KDM4B: variants seen among roughly 807,000 people sequenced by gnomAD.
KDM4B encodes lysine-specific demethylase 4B.
A neutral mutation model predicts 125.2 loss-of-function variants in KDM4B; 32 were observed. The observed-to-expected ratio is 0.26, with a 90% CI of 0.19 to 0.34. The LOEUF is 0.34. Among genes scored for constraint, KDM4B ranks in the 10% least tolerant of loss-of-function variants. The probability of loss-of-function intolerance (pLI) is 1.00; values close to 1 mark genes in which losing one functional copy is unlikely to be tolerated. For synonymous variants in KDM4B, 721 were observed against 677.9 expected (o/e 1.06, Z -0.99); for missense variants, 1,190 against 1,577.7 (o/e 0.75, Z 4.16).
At chr19:5,148,817 G>A (rs972500776) in intron 21 of KDM4B, among the ~76,000 whole-genome samples, 4 of 152,186 alleles carry the variant, frequency 2.6e-5, no homozygotes, top group South Asian at 4.1e-4. Context: ...TCTCCTCACC[G>A]GACAGACGCT....
chr19:5,043,742 TGGG>T (rs879801289), intron 5 of KDM4B, among the ~76,000 whole-genome samples: 2 of 136,906 alleles, frequency 1.5e-5, no homozygotes, highest in Non-Finnish European at 3.1e-5. Context: ...TTTATCGGAG[TGGG>T]GGTGTCCACT....
chr19:4,984,361 G>C (rs1270521296), intron 1 of KDM4B, among the ~76,000 whole-genome samples: 1 of 152,210 alleles, frequency 6.6e-6, no homozygotes, highest in African/African-American at 2.4e-5. Flanking sequence ...CTTCGTGTTT[G>C]TGCTGGAAAG....
chr19:5,066,061 A>T (rs1680127776), intron 6 of KDM4B, among the ~76,000 whole-genome samples: 1 of 152,046 alleles, frequency 6.6e-6, no homozygotes. Context: ...CCGTGTGACC[A>T]GTGTCTCTGG....
chr19:5,051,527 TC>T (rs1264138090), intron 6 of KDM4B, among the ~76,000 whole-genome samples: 1 of 152,210 alleles, frequency 6.6e-6, no homozygotes, highest in East Asian at 1.9e-4. Context: ...CTGCAGGGAC[TC>T]CCGAGGACGT....
chr19:5,087,463 C>T (rs1463563055), intron 9 of KDM4B, among the ~76,000 whole-genome samples: 1 of 152,240 alleles, frequency 6.6e-6, no homozygotes, highest in Non-Finnish European at 1.5e-5. Flanking sequence ...GTGACAACCA[C>T]AGAGGTCCCC....
At position 5,002,398 on chromosome 19, in the gene KDM4B, T is replaced by TTCTCTC. The variant is rs1568218478; in HGVS notation, c.-108-13857_-108-13856insTCTCTC. 7.2e-3 allele frequency among the ~76,000 whole-genome samples: 1,088 copies of TTCTCTC among 151,262 alleles called. 11 individuals are homozygous for TTCTCTC. Among genetic ancestry groups the TTCTCTC allele is most frequent in the African/African-American group, 0.024 (1,001 of 41,054 alleles). On this transcript the variant is annotated intron_variant, in intron 1 of 22. Transcript: ENST00000159111. The stretch of plus-strand genomic sequence containing the variant: ...TGTTTTTTTTTCTTTCTCCTTTCCT[T>TTCTCTC]TCCTTTCTCTCTCCTTTCTCTCTCC...
intron 1 of KDM4B, among the ~76,000 whole-genome samples, chr19:5,008,847 C>T (rs185945471): frequency 2.0e-5 from 3 of 151,016 alleles, no homozygotes; most frequent in East Asian, 1.9e-4. Flanking sequence ...GTGATCTGCC[C>T]GCCTTGGCCT....
intron 9 of KDM4B, among the ~76,000 whole-genome samples, chr19:5,086,014 C>G (rs1322985690): frequency 6.6e-6 from 1 of 152,176 alleles, no homozygotes; most frequent in Non-Finnish European, 1.5e-5. Flanking sequence ...CCAGAACCCC[C>G]CTTTTCTGGT....
Position 5,151,435 on chromosome 19 carries a change from C to A in KDM4B, c.3215C>A (p.Ser1072Tyr), listed in dbSNP as rs866518909. ...GGCACCCCGCTTGCCACGGAGGACT[C>A]CGGGCGGAGCCAGGACTACGTGGCC... Reference protein sequence around the residue: ...RVGTPLATEDSGRSQDYVAFV... With the variant: ...RVGTPLATEDYGRSQDYVAFV... The change falls in exon 23 of 23, where the codon TCC becomes TAC. Residue 1072 changes from serine to tyrosine, a missense_variant. This residue lies in a region of KDM4B where 109 missense variants were observed against 93.8 expected (regional missense o/e 1.16). Coordinates refer to ENST00000159111, the MANE Select transcript of KDM4B (RefSeq NM_015015.3). The A allele has an allele frequency of 1.3e-6, 2 of 1,559,558 alleles. No individual in the cohort carries two copies. The highest frequency in any genetic ancestry group is 1.4e-5 in the African/African-American group (1 of 72,940).
intron 6 of KDM4B, among the ~76,000 whole-genome samples, chr19:5,060,178 G>A (rs1240270139): frequency 1.3e-5 from 2 of 152,110 alleles, no homozygotes; most frequent in African/African-American, 2.4e-5. Flanking sequence ...GGTGGCTCAC[G>A]CCTGTAATCC....
At chr19:4,985,682 G>A (rs1285034012) in intron 1 of KDM4B, among the ~76,000 whole-genome samples, 2 of 152,238 alleles carry the variant, frequency 1.3e-5, no homozygotes, top group African/African-American at 2.4e-5. Context: ...TTTGGGGGCC[G>A]AATGTGCAGT....
chr19:5,132,515 C>T (rs2039576595), intron 13 of KDM4B, among the ~76,000 whole-genome samples: 1 of 151,910 alleles, frequency 6.6e-6, no homozygotes, highest in South Asian at 2.1e-4. Flanking sequence ...TGGATGGCGT[C>T]TTTCATCCTG....
chr19:5,029,265 A>G (rs555651386), intron 2 of KDM4B, among the ~76,000 whole-genome samples: 3 of 152,238 alleles, frequency 2.0e-5, no homozygotes, highest in African/African-American at 7.2e-5. Flanking sequence ...TGAGAGCCCC[A>G]TTCCTTGGCG....
chr19:5,144,195 G>A (rs774855411), intron 19 of KDM4B, 43 bp downstream of exon 19: 16 of 1,021,868 alleles, frequency 1.6e-5, no homozygotes, highest in East Asian at 5.9e-5. Flanking sequence ...CCTGGCTCCC[G>A]CCCCCACCGA....
Position 5,131,328 on chromosome 19 carries a change from G to T in KDM4B, c.1568G>T (p.Arg523Leu). ...AGTGAGGAGCTAGAGGCCAAGCCTC[G>T]GCCCATCATCCCCATGCTGTACGTG... ...VPSEELEAKPRPIIPMLYVVP... is the reference protein window; with the variant it reads ...VPSEELEAKPLPIIPMLYVVP... Residue 523 changes from arginine to leucine, a missense_variant, in exon 12 of 23, where the codon CGG becomes CTG. Arg to Leu is a moderately radical substitution (Grantham distance 102). Coordinates refer to ENST00000159111, the MANE Select transcript of KDM4B (RefSeq NM_015015.3). 1 of 1,612,114 alleles carries T rather than the reference G, an allele frequency of 6.2e-7. No homozygotes were observed. Among genetic ancestry groups the T allele is most frequent in the Non-Finnish European group, 8.5e-7 (1 of 1,179,796 alleles).
At chr19:5,097,378 G>C (rs1312211606) in intron 9 of KDM4B, among the ~76,000 whole-genome samples, 1 of 152,198 alleles carries the variant, frequency 6.6e-6, no homozygotes, top group Non-Finnish European at 1.5e-5. Context: ...AGCCTCCCGG[G>C]TAGCTGGGAC....
chr19:5,131,059 C>G lies in KDM4B; in HGVS notation c.1316-17C>G. ...GCCCGGGTTCTCCTCCCTGACCTCC[C>G]TCTCCTCTTCCCACAGAGGACGGGA... On this transcript the variant is annotated splice_polypyrimidine_tract_variant and intron_variant, in intron 11 of 22. Coordinates refer to ENST00000159111, the MANE Select transcript of KDM4B (RefSeq NM_015015.3). 1 of 1,491,076 alleles carries G rather than the reference C, an allele frequency of 6.7e-7. No individual in the cohort carries two copies. Among genetic ancestry groups the G allele is most frequent in the South Asian group, 1.4e-5 (1 of 72,290 alleles). 92.4% of individuals were successfully genotyped at this position (1,491,076 alleles called of 1,614,324 possible).
chr19:5,132,551 G>T (rs1182569501), intron 13 of KDM4B, among the ~76,000 whole-genome samples: 1 of 152,110 alleles, frequency 6.6e-6, no homozygotes, highest in Non-Finnish European at 1.5e-5. Flanking sequence ...GTGGGGAGAG[G>T]AGGGTTCTAG....
In KDM4B at chr19:5,114,228, G is replaced by C; in HGVS notation, c.1115+3410G>C. ...TGTGCACGTGCTCCAGCAGGTACGC[G>C]CTCCCTGCAGGACATCTGTGCACCC... On this transcript the variant is annotated intron_variant, in intron 10 of 22. Coordinates refer to ENST00000159111, the MANE Select transcript of KDM4B (RefSeq NM_015015.3). This position sits in a 1 kb window ranked among gnomAD's most constrained non-coding sequence, Gnocchi z 5.8. 1 of 1,289,060 alleles carries C rather than the reference G, an allele frequency of 7.8e-7. No individual in the cohort carries two copies. The highest frequency in any genetic ancestry group is 1.0e-6 in the Non-Finnish European group (1 of 988,332). 79.9% of individuals were successfully genotyped at this position (1,289,060 alleles called of 1,614,324 possible).
Sources: gnomAD v4.1 joint callset for allele counts (sites outside exome capture counted in the v4.1 genomes callset) on GRCh38, gnomAD v4.1.1 for gene constraint, gnomAD v4.1.1 regional missense constraint, Gnocchi (gnomAD v3.1) non-coding constraint, MANE v1.5 for transcripts, NCBI Gene and HGNC (gene_info 2026-07-23, HGNC 2026-07-21) for gene names.